Variants in ZNF185 observed in about 807,000 individuals in gnomAD.
ZNF185 encodes zinc finger protein 185 with LIM domain.
ZNF185 carries 56 observed loss-of-function variants against 58.6 expected under a neutral mutation model. The observed-to-expected ratio is 0.95, with a 90% CI of 0.77 to 1.19. ZNF185 has a LOEUF of 1.19. Ranked by LOEUF, ZNF185 falls within the 50% of genes most tolerant of loss-of-function variation. The probability of loss-of-function intolerance (pLI) is 0.00; values close to 1 mark genes in which losing one functional copy is unlikely to be tolerated. For missense variants in ZNF185, 627 were observed against 573.5 expected, an observed-to-expected ratio of 1.09 and a Z score of -0.95; for synonymous variants, 230 against 215.9, an observed-to-expected ratio of 1.07 and a Z score of -0.57.
At chrX:152,938,727 C>A (rs1446708361) in intron 15 of ZNF185, among the ~76,000 whole-genome samples, 2 of 111,020 alleles carry the variant, frequency 1.8e-5, no homozygotes, top group Non-Finnish European at 3.8e-5. Context: ...CGGTTCTCCT[C>A]ACAGTCTCTC....
exon 8 of ZNF185, chrX:152,920,363 C>T (rs1556868844): frequency 8.3e-7 from 1 of 1,210,987 alleles, no homozygotes; most frequent in Admixed American, 2.2e-5. Flanking sequence ...AGGAGGACAG[C>T]TCCCCGGGAG....
At chrX:152,953,129 A>G (rs1367519670) in intron 16 of ZNF185, among the ~76,000 whole-genome samples, 2 of 111,370 alleles carry the variant, frequency 1.8e-5, no homozygotes, top group Non-Finnish European at 3.8e-5. Flanking sequence ...AAGGGAAACA[A>G]TGAGGCCTCA....
At chrX:152,967,261 G>A in intron 20 of ZNF185, 23 bp downstream of exon 22, 1 of 1,188,488 alleles carries the variant, frequency 8.4e-7, no homozygotes, top group Non-Finnish European at 1.1e-6. Flanking sequence ...TCTTAGCACG[G>A]AGCTTGCACT....
upstream of ZNF185, among the ~76,000 whole-genome samples, chrX:152,909,638 C>T (rs1047918842): frequency 3.6e-5 from 4 of 112,613 alleles, no homozygotes; most frequent in Admixed American, 2.8e-4. Context: ...GTCTGGCATC[C>T]GGCCCGAAAC....
chrX:152,950,726 T>G (rs1418730263), intron 16 of ZNF185, among the ~76,000 whole-genome samples: 1 of 112,096 alleles, frequency 8.9e-6, no homozygotes, highest in Non-Finnish European at 1.9e-5. Context: ...CAGTTTTAGG[T>G]ATAAAATATA....
At chrX:152,920,260 A>T in intron 7 of ZNF185, 68 bp from the exon 9 acceptor site, 1 of 1,124,680 alleles carries the variant, frequency 8.9e-7, no homozygotes, top group Non-Finnish European at 1.2e-6. Context: ...AGTCCATCCC[A>T]GGCTAGGCTG....
chrX:152,935,392 C>T (rs1053812456), intron 14 of ZNF185, among the ~76,000 whole-genome samples: 7 of 109,706 alleles, frequency 6.4e-5, no homozygotes, highest in Non-Finnish European at 1.1e-4. Context: ...CCCGCCACCA[C>T]GCCCGGCTAA....
chrX:152,928,247 T>C (rs781803219), intron 11 of ZNF185, among the ~76,000 whole-genome samples: 27 of 112,442 alleles, frequency 2.4e-4, no homozygotes, highest in Non-Finnish European at 4.7e-4. Flanking sequence ...AATGGCCACT[T>C]TGGATACCCT....
the ZNF185 span, among the ~76,000 whole-genome samples, chrX:152,898,640 G>C: frequency 8.9e-6 from 1 of 112,646 alleles, no homozygotes; most frequent in East Asian, 2.8e-4. Context: ...TGAGGAAACT[G>C]AGACCCAGAG....
At chrX:152,930,841 T>C (rs1399048910) in intron 12 of ZNF185, among the ~76,000 whole-genome samples, 2 of 111,221 alleles carry the variant, frequency 1.8e-5, no homozygotes, top group African/African-American at 6.6e-5. Flanking sequence ...GAAATAATGA[T>C]GGGACTGTCT....
intron 2 of ZNF185, 43 bp downstream of exon 3, chrX:152,914,876 G>A (rs373830865): frequency 3.0e-4 from 350 of 1,157,724 alleles, no homozygotes; most frequent in African/African-American, 1.0e-3. Context: ...ACGTGGGGGC[G>A]CGCAATCCGT....
At chrX:152,956,358 A>G (rs1322381348) in intron 16 of ZNF185, among the ~76,000 whole-genome samples, 1 of 112,426 alleles carries the variant, frequency 8.9e-6, no homozygotes, top group South Asian at 3.6e-4. Context: ...TCTGCACTTG[A>G]TATACATATT....
intron 16 of ZNF185, among the ~76,000 whole-genome samples, chrX:152,951,624 T>G (rs945332097): frequency 1.2e-4 from 13 of 111,949 alleles, no homozygotes; most frequent in Non-Finnish European, 2.4e-4. Flanking sequence ...CATTAATAAC[T>G]TCTCTTTCAC....
At chrX:152,935,381 GCC>G in intron 14 of ZNF185, among the ~76,000 whole-genome samples, 1 of 109,169 alleles carries the variant, frequency 9.2e-6, no homozygotes, top group African/African-American at 3.3e-5. Flanking sequence ...GACTACAGGC[GCC>G]CGCCACCACG....
At chrX:152,950,896 A>G (rs1856138646) in intron 16 of ZNF185, among the ~76,000 whole-genome samples, 1 of 111,971 alleles carries the variant, frequency 8.9e-6, no homozygotes, top group South Asian at 3.7e-4. Flanking sequence ...ACATGGTTGT[A>G]AAGAATCTTC....
At chrX:152,918,415 C>A (rs1556867529) in intron 6 of ZNF185, among the ~76,000 whole-genome samples, 2 of 112,911 alleles carry the variant, frequency 1.8e-5, no homozygotes, top group South Asian at 3.6e-4. Context: ...AGGGGCCCCA[C>A]GGATCTGGGG....
chrX:152,946,101 C>T (rs1047248266), intron 16 of ZNF185, among the ~76,000 whole-genome samples: 2 of 112,644 alleles, frequency 1.8e-5, no homozygotes, highest in East Asian at 2.8e-4. Flanking sequence ...TGCCTGCCAG[C>T]GCAAACACTG....
At position 152,914,891 on chromosome X, in the gene ZNF185, G is replaced by A. The variant is rs782659248; in HGVS notation, c.158+58G>A. 7.0e-6 allele frequency: 8 copies of A among 1,139,938 alleles called. No individual in the cohort carries two copies. In the African/African-American group the frequency reaches 1.4e-4, roughly 21 times the overall value. The allele number at this position is 1,139,938 out of a possible 1,213,427, so 93.9% of individuals were successfully genotyped here. A position where few individuals can be genotyped will look rare whatever the true frequency, so the allele number is the denominator to read the frequency against. ...ACGTGGGGGCGCGCAATCCGTGGGG[G>A]ACCGACCATACCTGGGGATGCGAAG... On this transcript the variant is annotated intron_variant, in intron 2 of 22. Transcript: ENST00000449285.
intron 15 of ZNF185, among the ~76,000 whole-genome samples, chrX:152,940,030 A>G (rs1223899979): frequency 9.0e-6 from 1 of 110,895 alleles, no homozygotes; most frequent in Non-Finnish European, 1.9e-5. Flanking sequence ...CCATCCACCC[A>G]TCTTGGCCTC....
Sources: gnomAD v4.1 joint callset for allele counts (sites outside exome capture counted in the v4.1 genomes callset) on GRCh38, gnomAD v4.1.1 for gene constraint, MANE v1.5 for transcripts, NCBI Gene and HGNC (gene_info 2026-07-23, HGNC 2026-07-21) for gene names.